Variants in CSAD observed in about 807,000 individuals in gnomAD.
The protein encoded by CSAD is cysteine sulfinic acid decarboxylase, also known as P-selectin cytoplasmic tail-associated protein.
CSAD carries 47 observed loss-of-function variants against 61.5 expected under a neutral mutation model. That is an observed-to-expected ratio of 0.76 (90% confidence interval 0.60 to 0.97). The LOEUF is 0.97. Among genes scored for constraint, CSAD ranks in the 50% least tolerant of loss-of-function variants. CSAD has a pLI of 0.00. For synonymous variants in CSAD, 245 were observed against 252.7 expected (o/e 0.97, Z 0.29); for missense variants, 611 against 643.6 (o/e 0.95, Z 0.55).
rs1183287028 is a variant in CSAD, at chr12:53,180,842, G to T, written c.-201C>A. 1.6e-6 allele frequency: 2 copies of T among 1,270,340 alleles called. No homozygotes were observed. Among genetic ancestry groups the T allele is most frequent in the Middle Eastern group, 2.5e-4 (1 of 3,992 alleles). 78.7% of individuals were successfully genotyped at this position (1,270,340 alleles called of 1,614,324 possible). On this transcript the variant is annotated 5_prime_UTR_variant, in exon 1 of 17. Transcript: ENST00000444623. ...GCGGGAGGCCGCGCCTGGCAGGTAGGAGCAAGCCCCAAAGACCGCAGCGTC... is the reference window on the plus strand; with the variant it reads ...GCGGGAGGCCGCGCCTGGCAGGTAGTAGCAAGCCCCAAAGACCGCAGCGTC...
At chr12:53,170,649 G>A in intron 8 of CSAD, 147 bp from the exon 9 acceptor site, 1 of 663,788 alleles carries the variant, frequency 1.5e-6, no homozygotes. Flanking sequence ...TGGGTGTCTG[G>A]TTAAAATGAA....
chr12:53,172,556 C>T lies in CSAD; in HGVS notation c.219G>A (p.Arg73=), dbSNP rs776992411. 5.6e-6 allele frequency: 9 copies of T among 1,613,814 alleles called. No homozygotes were observed. Among genetic ancestry groups the T allele is most frequent in the South Asian group, 1.1e-5 (1 of 91,032 alleles). ...CACTGTAGCGAATCACAGCCCGACA[C>T]CGCTCCAGGATCTGCTTCTGTGACT... ...QGESQKQILE[R]CRAVIRYSVK... Residue 73 remains arginine (R), a synonymous_variant, in exon 5 of 17, where the codon CGG becomes CGA. Transcript: ENST00000444623.
At chr12:53,180,675 G>C (rs1941533613) in intron 1 of CSAD, 57 bp downstream of exon 1, 1 of 1,277,610 alleles carries the variant, frequency 7.8e-7, no homozygotes, top group Non-Finnish European at 1.0e-6. Flanking sequence ...GAGAGGACGA[G>C]GGGGAGGGGG....
At chr12:53,170,294 G>A in intron 9 of CSAD, 129 bp downstream of exon 9, 2 of 991,416 alleles carry the variant, frequency 2.0e-6, no homozygotes, top group Non-Finnish European at 3.1e-6. Context: ...GACAGGAACA[G>A]CAATTCTACT....
intron 16 of CSAD, 85 bp downstream of exon 16, chr12:53,159,538 A>T (rs1214757806): frequency 6.1e-6 from 7 of 1,153,496 alleles, no homozygotes; most frequent in South Asian, 1.4e-5. Context: ...GAGACCTGCC[A>T]TGCCACTCCC....
In CSAD at chr12:53,159,637, C is replaced by A. The variant is rs1299039540; in HGVS notation, c.1294G>T (p.Glu432Ter). The A allele has an allele frequency of 6.2e-7, 1 of 1,611,050 alleles. No individual in the cohort carries two copies. The highest frequency in any genetic ancestry group is 8.5e-7 in the Non-Finnish European group (1 of 1,178,714). Residue 432 changes from glutamate (E) to a stop codon, truncating the protein, a stop_gained, in exon 16 of 17, where the codon GAA becomes TAA. Coordinates refer to ENST00000444623, the MANE Select transcript of CSAD (RefSeq NM_001244705.2). LOFTEE classifies it high-confidence loss of function. ...RGKQESPDYH[E>*]RLSKVAPVLK... ...AGCACGCCTACCTTTGACAGCCTTT[C>A]GTGGTAATCTGGACTCTCCTGCTTC...
At chr12:53,161,563 T>C (rs1163553849) in intron 10 of CSAD, among the ~76,000 whole-genome samples, 174 bp from the exon 11 acceptor site, 1 of 151,718 alleles carries the variant, frequency 6.6e-6, no homozygotes, top group Admixed American at 6.6e-5. Context: ...GATTCAAAGA[T>C]CCAAGCAGAA....
At chr12:53,171,761 T>C in intron 7 of CSAD, 121 bp downstream of exon 7, 1 of 721,466 alleles carries the variant, frequency 1.4e-6, no homozygotes. Flanking sequence ...CTGGCCTGGG[T>C]CCAGCTGGAG....
intron 4 of CSAD, 150 bp from the exon 5 acceptor site, chr12:53,172,798 G>A: frequency 1.1e-6 from 1 of 898,848 alleles, no homozygotes; most frequent in South Asian, 1.8e-5. Flanking sequence ...AACAAGAGTA[G>A]TGAACACAGT....
chr12:53,167,287 A>G (rs1004294243), intron 10 of CSAD, among the ~76,000 whole-genome samples: 2 of 152,148 alleles, frequency 1.3e-5, no homozygotes, highest in African/African-American at 4.8e-5. Context: ...TTCCAGAAAT[A>G]TCCCGTGGCC....
intron 10 of CSAD, 74 bp from the exon 11 acceptor site, chr12:53,161,463 G>A (rs1939271361): frequency 8.1e-7 from 1 of 1,237,954 alleles, no homozygotes; most frequent in East Asian, 2.3e-5. Context: ...GCTGGGCCCA[G>A]CTCTAAGCTC....
chr12:53,165,987 G>A (rs1380405791), intron 10 of CSAD, among the ~76,000 whole-genome samples: 13 of 152,190 alleles, frequency 8.5e-5, no homozygotes, highest in East Asian at 1.9e-4. Flanking sequence ...CACATGCTAC[G>A]ACGTGGATGA....
rs1382309292 is a variant in CSAD at position 53,180,878 on chromosome 12, A to G, written c.-237T>C. ...AAAGACCGCAGCGTCGTCCGTACAGACGGCAGCGCTTCAGTAGCTCGCAAG... is the reference window on the plus strand; with the variant it reads ...AAAGACCGCAGCGTCGTCCGTACAGGCGGCAGCGCTTCAGTAGCTCGCAAG... On this transcript the variant is annotated 5_prime_UTR_variant, in exon 1 of 17. Transcript: ENST00000444623. 2.5e-6 allele frequency: 3 copies of G among 1,201,090 alleles called. No individual in the cohort carries two copies. Among genetic ancestry groups the G allele is most frequent in the Non-Finnish European group, 3.2e-6 (3 of 943,612 alleles). 74.4% of individuals were successfully genotyped at this position (1,201,090 alleles called of 1,614,324 possible).
chr12:53,158,748 T>C (rs1189521728), intron 16 of CSAD, 64 bp from the exon 17 acceptor site: 2 of 1,512,342 alleles, frequency 1.3e-6, no homozygotes, highest in South Asian at 2.4e-5. Context: ...GGCTGGCTTC[T>C]TGTCCTGCCA....
intron 2 of CSAD, among the ~76,000 whole-genome samples, chr12:53,175,450 A>G (rs1941032163): frequency 6.6e-6 from 1 of 152,200 alleles, no homozygotes; most frequent in South Asian, 2.1e-4. Context: ...ACTCTGTGCT[A>G]TCTCCCAATC....
chr12:53,172,302 C>T (rs373903956), intron 6 of CSAD, 44 bp downstream of exon 6: 55 of 1,566,608 alleles, frequency 3.5e-5, no homozygotes, highest in Admixed American at 1.0e-4. Flanking sequence ...CTCTAGCAAA[C>T]CTAAATCCTT....
At chr12:53,160,011 A>C in intron 14 of CSAD, 73 bp from the exon 15 acceptor site, 8 of 1,598,406 alleles carry the variant, frequency 5.0e-6, no homozygotes, top group Non-Finnish European at 6.9e-6. Flanking sequence ...CCCACGTAGA[A>C]TGAGCCACAG....
chr12:53,160,996 CA>C (rs1245429216), intron 12 of CSAD, 130 bp downstream of exon 12: 3 of 1,148,598 alleles, frequency 2.6e-6, no homozygotes, highest in Non-Finnish European at 3.8e-6. Context: ...CTCCCAGCTC[CA>C]ATCAATCCTC....
chr12:53,170,722 G>GTT (rs71095994), intron 8 of CSAD: 2,252 of 441,508 alleles, frequency 5.1e-3, no homozygotes, highest in Middle Eastern at 6.4e-3. Flanking sequence ...GCATTTGTTT[G>GTT]TTTTTTTTTT....
Sources: gnomAD v4.1 joint callset for allele counts (sites outside exome capture counted in the v4.1 genomes callset) on GRCh38, gnomAD v4.1.1 for gene constraint, MANE v1.5 for transcripts, NCBI Gene and HGNC (gene_info 2026-07-23, HGNC 2026-07-21) for gene names.